The following PTGFRN variants were observed in gnomAD, a reference collection of about 807,000 sequenced individuals.
The protein encoded by PTGFRN is prostaglandin F2 receptor negative regulator.
Under a neutral mutation model 83.2 loss-of-function variants are expected in PTGFRN, and 35 were observed. That is an observed-to-expected ratio of 0.42 (90% confidence interval 0.32 to 0.56). PTGFRN has a LOEUF of 0.56. Among genes scored for constraint, PTGFRN ranks in the 20% least tolerant of loss-of-function variants. The pLI is 0.11. For synonymous variants in PTGFRN, 519 were observed against 498.6 expected (o/e 1.04, Z -0.55); for missense variants, 1,051 against 1,179.5 (o/e 0.89, Z 1.60).
At chr1:116,922,988 C>T (rs999527058) in intron 1 of PTGFRN, among the ~76,000 whole-genome samples, 4 of 152,150 alleles carry the variant, frequency 2.6e-5, no homozygotes, top group Admixed American at 2.0e-4. Flanking sequence ...GACCCAGGAG[C>T]GCTGCCGCCT....
intron 4 of PTGFRN, among the ~76,000 whole-genome samples, chr1:116,950,471 A>G (rs549227395): frequency 1.3e-5 from 2 of 152,272 alleles, no homozygotes; most frequent in South Asian, 2.1e-4. Context: ...CTGAGCCCTG[A>G]TAAAGGCATT....
At chr1:116,976,223 T>G (rs1195760326) in intron 7 of PTGFRN, among the ~76,000 whole-genome samples, 1 of 152,082 alleles carries the variant, frequency 6.6e-6, no homozygotes. Flanking sequence ...TGGGACTATG[T>G]GAAAAGACCA....
In PTGFRN at chr1:116,989,887, C is replaced by A. The variant is rs78683029; in HGVS notation, c.*2920C>A. 0.069 allele frequency: 10,478 copies of A among 152,702 alleles called. 408 individuals are homozygous for A. The highest frequency in any genetic ancestry group is 0.081 in the Non-Finnish European group (5,477 of 68,014). The allele number at this position is 152,702 out of a possible 1,614,324, so 9.5% of individuals were successfully genotyped here. Reference sequence around the variant, plus strand: ...GAGATCTTGGTAGAGGAGGCCCCTCCTGCCCAGACCTTCGTTTGTTTCCCC... The same window carrying A: ...GAGATCTTGGTAGAGGAGGCCCCTCATGCCCAGACCTTCGTTTGTTTCCCC... On this transcript the variant is annotated 3_prime_UTR_variant, in exon 9 of 9. Coordinates refer to ENST00000393203, the MANE Select transcript of PTGFRN (RefSeq NM_020440.4).
In PTGFRN at chr1:116,944,670, T is replaced by C. The variant is rs759089537; in HGVS notation, c.419-9T>C. The C allele has an allele frequency of 3.5e-6, 5 of 1,409,902 alleles. No individual in the cohort carries two copies. Among genetic ancestry groups the C allele is most frequent in the Non-Finnish European group, 3.7e-6 (4 of 1,082,180 alleles). 87.3% of individuals were successfully genotyped at this position (1,409,902 alleles called of 1,614,324 possible). On this transcript the variant is annotated splice_polypyrimidine_tract_variant and intron_variant, in intron 2 of 8. Coordinates refer to ENST00000393203, the MANE Select transcript of PTGFRN (RefSeq NM_020440.4). ...GACGGGCTACTGACCTAGCTTTCTC[T>C]CTCCGCAGTGCTGGCCGACTCCCTG...
chr1:116,942,172 C>G (rs1650080499), intron 2 of PTGFRN, 89 bp downstream of exon 2: 3 of 1,454,434 alleles, frequency 2.1e-6, no homozygotes, highest in Admixed American at 2.3e-5. Context: ...GACTTAATTT[C>G]TCTGAGGCTC....
At chr1:116,964,856 C>A (rs1042060970) in intron 5 of PTGFRN, among the ~76,000 whole-genome samples, 5 of 152,278 alleles carry the variant, frequency 3.3e-5, no homozygotes, top group African/African-American at 1.2e-4. Context: ...GGCTACTTTT[C>A]ACACTCTGCC....
intron 1 of PTGFRN, among the ~76,000 whole-genome samples, chr1:116,921,176 G>A (rs1002958813): frequency 1.3e-5 from 2 of 152,136 alleles, no homozygotes; most frequent in African/African-American, 4.8e-5. Context: ...CTACTTTGAG[G>A]TGCTACTGTT....
In PTGFRN at chr1:116,910,139, GAGGAGGAGGAGGAGAGGCGGCGGGGA is replaced by G; in HGVS notation, c.-52_-27del. The G allele has an allele frequency of 7.1e-7, 1 of 1,401,948 alleles. No homozygotes were observed. The highest frequency in any genetic ancestry group is 9.6e-7 in the Non-Finnish European group (1 of 1,041,362). 86.8% of individuals were successfully genotyped at this position (1,401,948 alleles called of 1,614,324 possible). ...GACTCTGGAGCAGCCGGAGCTGGAA[GAGGAGGAGGAGGAGAGGCGGCGGGGA>G]AGGAGGAGGAGGGGGAGAGTCGCTC... On this transcript the variant is annotated 5_prime_UTR_variant, in exon 1 of 9. Coordinates refer to ENST00000393203, the MANE Select transcript of PTGFRN (RefSeq NM_020440.4).
In PTGFRN at chr1:116,944,846, G is replaced by A. The variant is rs1384765696; in HGVS notation, c.586G>A (p.Val196Ile). The A allele has an allele frequency of 1.3e-6, 2 of 1,595,622 alleles. No individual in the cohort carries two copies. The highest frequency in any genetic ancestry group is 2.3e-5 in the East Asian group (1 of 44,290). The change falls in exon 3 of 9, where the codon GTC (valine) becomes ATC (isoleucine). Residue 196 changes from valine (V) to isoleucine (I), a missense_variant. Transcript: ENST00000393203. The part of the protein sequence containing the change: ...EVHRGPARRS[V>I]LALTHEGRFH... ...GCACCGCGGCCCGGCCAGGCGGAGC[G>A]TCCTCGCCCTGACCCACGAGGGCAG...
intron 4 of PTGFRN, among the ~76,000 whole-genome samples, chr1:116,959,299 C>G (rs1650580006): frequency 6.6e-6 from 1 of 152,126 alleles, no homozygotes; most frequent in African/African-American, 2.4e-5. Context: ...CCTCTCTAGC[C>G]CTGGCAGTCC....
At chr1:116,913,586 A>G (rs1649327338) in intron 1 of PTGFRN, among the ~76,000 whole-genome samples, 1 of 152,164 alleles carries the variant, frequency 6.6e-6, no homozygotes, top group African/African-American at 2.4e-5. Context: ...TCATCAGAGC[A>G]TATATTTCCT....
At chr1:116,934,518 A>T (rs937898011) in intron 1 of PTGFRN, among the ~76,000 whole-genome samples, 4 of 145,776 alleles carry the variant, frequency 2.7e-5, no homozygotes, top group African/African-American at 1.0e-4. Flanking sequence ...CGGATATTGT[A>T]TTTTTTTTTT....
intron 5 of PTGFRN, among the ~76,000 whole-genome samples, chr1:116,964,774 C>T (rs988133438): frequency 6.6e-6 from 1 of 152,268 alleles, no homozygotes; most frequent in Non-Finnish European, 1.5e-5. Flanking sequence ...CTTTCTCCAG[C>T]ACCATTGTTC....
intron 4 of PTGFRN, among the ~76,000 whole-genome samples, chr1:116,959,104 GAGCATTC>G (rs1650575787): frequency 1.3e-5 from 2 of 152,348 alleles, no homozygotes; most frequent in South Asian, 2.1e-4. Flanking sequence ...GGAGTAATTT[GAGCATTC>G]CTTATCTTTT....
intron 6 of PTGFRN, among the ~76,000 whole-genome samples, chr1:116,969,641 T>C (rs1440988520): frequency 6.6e-6 from 1 of 152,204 alleles, no homozygotes; most frequent in African/African-American, 2.4e-5. Flanking sequence ...TCCAGGCATC[T>C]GGGACTTTGA....
intron 1 of PTGFRN, among the ~76,000 whole-genome samples, chr1:116,917,005 G>A (rs1196731028): frequency 6.6e-6 from 1 of 152,082 alleles, no homozygotes; most frequent in Non-Finnish European, 1.5e-5. Flanking sequence ...GTCAGGGAAC[G>A]GAAGAAGTAC....
intron 1 of PTGFRN, among the ~76,000 whole-genome samples, chr1:116,940,627 C>T (rs1424511861): frequency 1.3e-5 from 2 of 152,078 alleles, no homozygotes; most frequent in African/African-American, 4.8e-5. Flanking sequence ...TTCCTGGAGC[C>T]CTTATTACAT....
rs1370831813 is a variant in PTGFRN at position 116,941,772 on chromosome 1, G to A, written c.107G>A (p.Gly36Asp). 1.2e-6 allele frequency: 2 copies of A among 1,614,152 alleles called. No homozygotes were observed. The highest frequency in any genetic ancestry group is 1.1e-5 in the South Asian group (1 of 91,080). The part of the protein sequence containing the change: ...VPTATLVRVV[G>D]TELVIPCNVS... ...ACAGCGACCCTGGTTCGAGTGGTGG[G>A]CACTGAGCTGGTCATCCCCTGCAAC... Residue 36 changes from glycine (G) to aspartate (D), a missense_variant, in exon 2 of 9, where the codon GGC becomes GAC. Around this residue, in one of 3 missense-constraint regions of PTGFRN, gnomAD observed 127 missense variants for 168.4 expected, o/e 0.75. Coordinates refer to ENST00000393203, the MANE Select transcript of PTGFRN (RefSeq NM_020440.4). The surrounding 1 kb of genome is among the most constrained non-coding windows in gnomAD (Gnocchi z 5.0).
chr1:116,961,683 C>G lies in PTGFRN; in HGVS notation c.1639+15C>G, dbSNP rs774195306. The G allele has an allele frequency of 6.3e-7, 1 of 1,590,394 alleles. No individual in the cohort carries two copies. Among genetic ancestry groups the G allele is most frequent in the African/African-American group, 1.4e-5 (1 of 73,646 alleles). On this transcript the variant is annotated intron_variant, in intron 5 of 8. Transcript: ENST00000393203. The surrounding 1 kb of genome is among the most constrained non-coding windows in gnomAD (Gnocchi z 5.4). ...GGCATTAGAAGGTAGGAACTTTTTT[C>G]TTGTTATTCATTTTTGTTTTGTCTT...
Sources: gnomAD v4.1 joint callset for allele counts (sites outside exome capture counted in the v4.1 genomes callset) on GRCh38, gnomAD v4.1.1 for gene constraint, gnomAD v4.1.1 regional missense constraint, Gnocchi (gnomAD v3.1) non-coding constraint, MANE v1.5 for transcripts, NCBI Gene and HGNC (gene_info 2026-07-23, HGNC 2026-07-21) for gene names.